Variants in ACTL6A observed in about 807,000 individuals in gnomAD.
ACTL6A encodes actin like 6A, also known as actin-like protein 6A.
Under a neutral mutation model 59.2 loss-of-function variants are expected in ACTL6A, and 5 were observed. The ratio of observed to expected loss-of-function variants is 0.08; its 90% CI spans 0.04 to 0.18. ACTL6A has a LOEUF of 0.18. Among genes scored for constraint, ACTL6A ranks in the 10% least tolerant of loss-of-function variants. ACTL6A has a pLI of 1.00. For missense variants in ACTL6A, 285 were observed against 526.9 expected (o/e 0.54, Z 4.49); for synonymous variants, 154 against 171.8 (o/e 0.90, Z 0.81).
intron 3 of ACTL6A, among the ~76,000 whole-genome samples, chr3:179,571,938 G>T (rs539363797): frequency 5.3e-4 from 80 of 152,324 alleles, no homozygotes; most frequent in African/African-American, 1.9e-3. Context: ...CCAGCTAAGA[G>T]TCAGCCTTAC....
At position 179,570,233 on chromosome 3, in the gene ACTL6A, A is replaced by G. The variant is rs1198081598; in HGVS notation, c.269A>G (p.Asn90Ser). 1 of 1,613,106 alleles carries G rather than the reference A, an allele frequency of 6.2e-7. No homozygotes were observed. The highest frequency in any genetic ancestry group is 2.2e-5 in the East Asian group (1 of 44,862). The change falls in exon 3 of 14, where the codon AAT (asparagine) becomes AGT (serine). Residue 90 changes from asparagine (N) to serine (S), a missense_variant. Asn to Ser is a conservative substitution (Grantham distance 46). Transcript: ENST00000429709. The surrounding 1 kb of genome is among the most constrained non-coding windows in gnomAD (Gnocchi z 4.3). ...ENMEAISPLK[N>S]GMVEDWDSFQ... Reference sequence around the variant, plus strand: ...ATGGAGGCCATTTCACCTCTAAAAAATGGGATGGGTATGATGTTTTCCCCA... The same window carrying G: ...ATGGAGGCCATTTCACCTCTAAAAAGTGGGATGGGTATGATGTTTTCCCCA...
chr3:179,574,301 A>AT, intron 4 of ACTL6A, 69 bp from the exon 5 acceptor site: 1 of 941,622 alleles, frequency 1.1e-6, no homozygotes, highest in Non-Finnish European at 1.7e-6. Flanking sequence ...ATAGTGCTAG[A>AT]TTTTATCTGG....
At chr3:179,575,136 C>G (rs1718128332) in intron 5 of ACTL6A, 1 of 306,110 alleles carries the variant, frequency 3.3e-6, no homozygotes. Context: ...AGCCACCGTG[C>G]CCAGCCTCTA....
intron 8 of ACTL6A, among the ~76,000 whole-genome samples, chr3:179,577,525 G>A (rs745330539): frequency 2.0e-5 from 3 of 151,946 alleles, no homozygotes; most frequent in Non-Finnish European, 4.4e-5. Flanking sequence ...AGGGGTACAT[G>A]TGCAGGTTTG....
chr3:179,580,205 C>T (rs1188070182), intron 8 of ACTL6A, among the ~76,000 whole-genome samples: 3 of 152,176 alleles, frequency 2.0e-5, no homozygotes, highest in Non-Finnish European at 4.4e-5. Flanking sequence ...TAGTTCACAA[C>T]ATTTTATTAA....
intron 13 of ACTL6A, 118 bp downstream of exon 13, chr3:179,586,750 G>GT: frequency 1.2e-6 from 1 of 821,032 alleles, no homozygotes; most frequent in African/African-American, 1.8e-5. Flanking sequence ...TGTCAAATGA[G>GT]TGGAAGACCT....
intron 1 of ACTL6A, among the ~76,000 whole-genome samples, chr3:179,567,984 C>G (rs1334620653): frequency 6.6e-6 from 1 of 151,856 alleles, no homozygotes; most frequent in African/African-American, 2.4e-5. Context: ...CCAGCCTGGC[C>G]AATATGGTGA....
intron 11 of ACTL6A, among the ~76,000 whole-genome samples, chr3:179,582,854 T>C (rs962712380): frequency 5.9e-5 from 9 of 152,228 alleles, no homozygotes; most frequent in Admixed American, 2.0e-4. Context: ...AAAAAAATTA[T>C]GATTTTTAGA....
At chr3:179,582,654 G>A (rs1233159259) in intron 11 of ACTL6A, among the ~76,000 whole-genome samples, 1 of 151,350 alleles carries the variant, frequency 6.6e-6, no homozygotes, top group Non-Finnish European at 1.5e-5. Flanking sequence ...ATTTTTGGCT[G>A]GTGGTTGCAA....
At chr3:179,573,784 T>C (rs1718087145) in intron 4 of ACTL6A, among the ~76,000 whole-genome samples, 1 of 152,164 alleles carries the variant, frequency 6.6e-6, no homozygotes, top group South Asian at 2.1e-4. Context: ...TTATGAATCA[T>C]TTCTTGTGCC....
chr3:179,586,477 A>AG, intron 12 of ACTL6A, 69 bp from the exon 13 acceptor site: 13 of 1,197,792 alleles, frequency 1.1e-5, no homozygotes, highest in Non-Finnish European at 1.4e-5. Flanking sequence ...GAAAAAAAAA[A>AG]AAAAAAAAAG....
At chr3:179,587,014 G>C (rs1398235905) in intron 13 of ACTL6A, among the ~76,000 whole-genome samples, 9 of 152,196 alleles carry the variant, frequency 5.9e-5, no homozygotes, top group Admixed American at 5.9e-4. Context: ...GGTCTAGGAA[G>C]TCAGGAATTG....
chr3:179,573,398 T>G lies in ACTL6A; in HGVS notation c.307T>G (p.Leu103Val). 6.3e-7 allele frequency: 1 copy of G among 1,593,600 alleles called. No individual in the cohort carries two copies. The highest frequency in any genetic ancestry group is 1.2e-5 in the South Asian group (1 of 85,858). Residue 103 changes from leucine (L) to valine (V), a missense_variant, in exon 4 of 14, where the codon TTG becomes GTG. Coordinates refer to ENST00000429709, the MANE Select transcript of ACTL6A (RefSeq NM_004301.5). ...AGACTGGGATAGTTTCCAAGCTATTTTGGATCATACCTACAAAATGCATGT... is the reference window on the plus strand; with the variant it reads ...AGACTGGGATAGTTTCCAAGCTATTGTGGATCATACCTACAAAATGCATGT... ...VEDWDSFQAI[L>V]DHTYKMHVKS...
chr3:179,568,245 G>T (rs993520965), intron 1 of ACTL6A, among the ~76,000 whole-genome samples: 1 of 151,550 alleles, frequency 6.6e-6, no homozygotes, highest in Non-Finnish European at 1.5e-5. Context: ...CAAAGTAATG[G>T]GTTTGATTTT....
At chr3:179,565,131 A>G (rs1053212504) in intron 1 of ACTL6A, among the ~76,000 whole-genome samples, 3 of 152,182 alleles carry the variant, frequency 2.0e-5, no homozygotes, top group Non-Finnish European at 4.4e-5. Context: ...CTGTAATTCA[A>G]TGAGAGATGT....
intron 11 of ACTL6A, among the ~76,000 whole-genome samples, chr3:179,581,579 C>T (rs1246852223): frequency 4.6e-5 from 7 of 152,276 alleles, no homozygotes; most frequent in Admixed American, 1.3e-4. Context: ...TTGTAGACTG[C>T]GCTAGAGATT....
intron 6 of ACTL6A, 22 bp downstream of exon 6, chr3:179,576,333 A>G (rs1256914128): frequency 2.0e-6 from 3 of 1,528,652 alleles, no homozygotes; most frequent in Admixed American, 4.2e-5. Context: ...TAACCAGGAT[A>G]CACTGAGATG....
chr3:179,573,190 A>G (rs1456242590), intron 3 of ACTL6A, 179 bp from the exon 4 acceptor site: 2 of 460,392 alleles, frequency 4.3e-6, no homozygotes, highest in South Asian at 5.3e-5. Flanking sequence ...GAAGTTCTAT[A>G]TATCTAGAAG....
intron 11 of ACTL6A, among the ~76,000 whole-genome samples, chr3:179,582,171 C>T (rs538432124): frequency 6.6e-6 from 1 of 152,034 alleles, no homozygotes; most frequent in African/African-American, 2.4e-5. Flanking sequence ...TTTTTTAGCG[C>T]AAATACAATT....
Sources: allele counts gnomAD v4.1 joint callset (sites outside exome capture counted in the v4.1 genomes callset), GRCh38; gene constraint gnomAD v4.1.1; non-coding constraint Gnocchi (gnomAD v3.1); transcripts MANE v1.5; gene names NCBI Gene and HGNC (gene_info 2026-07-23, HGNC 2026-07-21).